CACNA2D3: variants seen among roughly 807,000 people sequenced by gnomAD.
CACNA2D3 encodes calcium voltage-gated channel auxiliary subunit alpha2delta 3.
Under a neutral mutation model 160.6 loss-of-function variants are expected in CACNA2D3, and 60 were observed. The ratio of observed to expected loss-of-function variants is 0.37; its 90% confidence interval spans 0.30 to 0.46. The LOEUF is 0.46. CACNA2D3 is among the 20% of genes least tolerant of loss of function. The pLI is 1.00. For synonymous variants in CACNA2D3, 558 were observed against 492.9 expected (o/e 1.13, Z -1.75); for missense variants, 1,205 against 1,365.0 (o/e 0.88, Z 1.85).
Position 54,154,829 on chromosome 3 carries a change from T to C in CACNA2D3, c.204+31235T>C, listed in dbSNP as rs183350685. Among the ~76,000 whole-genome samples, 217 of 152,354 alleles carry C rather than the reference T, an allele frequency of 1.4e-3. 2 individuals carry two copies. Among genetic ancestry groups the C allele is most frequent in the African/African-American group, 4.9e-3 (205 of 41,592 alleles). On this transcript the variant is annotated intron_variant, in intron 2 of 37. Transcript: ENST00000474759. Reference sequence around the variant, plus strand: ...ACAAAAAAAAACCTGCCAGCTGCGATTGCCTCTTTCTCCTTCTGTGAAGCC... The same window carrying C: ...ACAAAAAAAAACCTGCCAGCTGCGACTGCCTCTTTCTCCTTCTGTGAAGCC...
At chr3:54,867,103 C>G (rs1236898379) in intron 17 of CACNA2D3, among the ~76,000 whole-genome samples, 1 of 152,138 alleles carries the variant, frequency 6.6e-6, no homozygotes, top group Non-Finnish European at 1.5e-5. Context: ...GATACACTAA[C>G]AAATGCCATA....
At chr3:54,994,354 A>G (rs994157715) in intron 31 of CACNA2D3, among the ~76,000 whole-genome samples, 2 of 152,174 alleles carry the variant, frequency 1.3e-5, no homozygotes, top group Non-Finnish European at 2.9e-5. Flanking sequence ...CTAATACTCA[A>G]CAACTCATGT....
intron 27 of CACNA2D3, among the ~76,000 whole-genome samples, chr3:54,937,425 G>T (rs1701358645): frequency 6.6e-6 from 1 of 152,150 alleles, no homozygotes; most frequent in Non-Finnish European, 1.5e-5. Context: ...CCTGCAACTG[G>T]CCCTGTGGAA....
chr3:54,810,611 T>C (rs554347654), intron 13 of CACNA2D3, among the ~76,000 whole-genome samples: 73 of 152,150 alleles, frequency 4.8e-4, no homozygotes, highest in African/African-American at 1.7e-3. Flanking sequence ...AATAAAGATA[T>C]GTAGGCCAGG....
intron 4 of CACNA2D3, among the ~76,000 whole-genome samples, chr3:54,418,231 G>T (rs1416501882): frequency 2.0e-5 from 3 of 152,146 alleles, no homozygotes; most frequent in Admixed American, 6.5e-5. Flanking sequence ...TTAAGCCTTT[G>T]CTTTGACTTA....
intron 9 of CACNA2D3, among the ~76,000 whole-genome samples, chr3:54,583,031 G>A (rs1023618195): frequency 1.3e-5 from 2 of 152,176 alleles, no homozygotes; most frequent in Non-Finnish European, 2.9e-5. Context: ...GCTCATTCAT[G>A]GTAATTGTTT....
chr3:54,736,623 C>A (rs1325987281), intron 11 of CACNA2D3, among the ~76,000 whole-genome samples: 9 of 152,060 alleles, frequency 5.9e-5, no homozygotes, highest in Admixed American at 5.9e-4. Context: ...ATACTTTAAA[C>A]CTTGTATTTG....
chr3:54,202,106 G>A (rs777312891), intron 2 of CACNA2D3, among the ~76,000 whole-genome samples: 1 of 152,220 alleles, frequency 6.6e-6, no homozygotes, highest in Non-Finnish European at 1.5e-5. Flanking sequence ...AAATTCACAT[G>A]TAATTGGGCT....
chr3:54,950,465 TG>T (rs1243946193), intron 27 of CACNA2D3, among the ~76,000 whole-genome samples: 3 of 152,210 alleles, frequency 2.0e-5, no homozygotes, highest in African/African-American at 2.4e-5. Context: ...CTCTTCATCT[TG>T]CAAGGCAGCG....
chr3:54,285,079 G>C (rs144085081), intron 2 of CACNA2D3, among the ~76,000 whole-genome samples: 3,089 of 152,238 alleles, frequency 0.02, 89 homozygotes, highest in African/African-American at 0.071. Context: ...CCAGACAGTG[G>C]GTGCAGGACA....
At chr3:55,069,150 C>T (rs1289082111) in intron 35 of CACNA2D3, among the ~76,000 whole-genome samples, 5 of 152,104 alleles carry the variant, frequency 3.3e-5, no homozygotes, top group South Asian at 2.1e-4. Flanking sequence ...AATTGTCTCA[C>T]GAGTTTCGAT....
chr3:54,171,310 T>C (rs1173600725), intron 2 of CACNA2D3, among the ~76,000 whole-genome samples: 1 of 151,782 alleles, frequency 6.6e-6, no homozygotes, highest in African/African-American at 2.4e-5. Flanking sequence ...TCGAGTGCTA[T>C]CGGGTACATT....
At chr3:54,172,874 A>G (rs968135678) in intron 2 of CACNA2D3, among the ~76,000 whole-genome samples, 4 of 152,216 alleles carry the variant, frequency 2.6e-5, no homozygotes, top group African/African-American at 9.7e-5. Context: ...CCCTCTAGCC[A>G]GGAAGACCAA....
intron 17 of CACNA2D3, among the ~76,000 whole-genome samples, chr3:54,856,290 T>C (rs937495009): frequency 2.0e-5 from 3 of 152,216 alleles, no homozygotes; most frequent in Admixed American, 6.5e-5. Flanking sequence ...TGTCTCGCTG[T>C]GCACTGGGTA....
intron 35 of CACNA2D3, among the ~76,000 whole-genome samples, chr3:55,026,079 A>C (rs1459167337): frequency 6.6e-6 from 1 of 152,038 alleles, no homozygotes; most frequent in Non-Finnish European, 1.5e-5. Flanking sequence ...GTGAAATAAC[A>C]TTACAGGCTC....
intron 13 of CACNA2D3, among the ~76,000 whole-genome samples, chr3:54,799,550 T>G (rs140098577): frequency 1.4e-4 from 22 of 152,352 alleles, no homozygotes; most frequent in African/African-American, 5.3e-4. Flanking sequence ...AGGTTCTCTC[T>G]TGAAGACATC....
At chr3:54,806,298 A>G (rs1703120777) in intron 13 of CACNA2D3, among the ~76,000 whole-genome samples, 1 of 152,164 alleles carries the variant, frequency 6.6e-6, no homozygotes, top group South Asian at 2.1e-4. Flanking sequence ...GTATATCTAG[A>G]AAACCCCATT....
chr3:54,908,505 T>G (rs1192444563), intron 27 of CACNA2D3, among the ~76,000 whole-genome samples: 1 of 152,136 alleles, frequency 6.6e-6, no homozygotes, highest in Non-Finnish European at 1.5e-5. Flanking sequence ...TGCTTGAACC[T>G]AGGAGTTCAA....
intron 4 of CACNA2D3, among the ~76,000 whole-genome samples, chr3:54,451,229 C>CTTATTTTTTTTTTTTTT (rs1700301803): frequency 1.9e-5 from 1 of 51,732 alleles, no homozygotes; most frequent in African/African-American, 8.6e-5. Context: ...ATATAATAAT[C>CTTATTTTTTTTTTTTTT]TTTTTTTTTT....
Sources: allele counts gnomAD v4.1 joint callset (sites outside exome capture counted in the v4.1 genomes callset), GRCh38; gene constraint gnomAD v4.1.1; transcripts MANE v1.5; gene names NCBI Gene and HGNC (gene_info 2026-07-23, HGNC 2026-07-21).